MCTP2: variants seen among roughly 807,000 people sequenced by gnomAD.
MCTP2 encodes multiple C2 and transmembrane domain-containing protein 2.
A neutral mutation model predicts 111.6 loss-of-function variants in MCTP2; 132 were observed. The ratio of observed to expected loss-of-function variants is 1.18; its 90% CI spans 1.03 to 1.37. The LOEUF (loss-of-function observed/expected upper bound fraction) is 1.37, where lower values mean the gene tolerates loss of function less well. Among genes scored for constraint, MCTP2 ranks in the 40% most tolerant of loss-of-function variants. The probability of loss-of-function intolerance (pLI) is 0.00; values close to 1 mark genes in which losing one functional copy is unlikely to be tolerated. For missense variants in MCTP2, 1,183 were observed against 1,067.9 expected (o/e 1.11, Z -1.50); for synonymous variants, 395 against 387.7 (o/e 1.02, Z -0.22).
chr15:94,426,155 A>G (rs2082881432), intron 17 of MCTP2, among the ~76,000 whole-genome samples: 1 of 151,560 alleles, frequency 6.6e-6, no homozygotes, highest in South Asian at 2.1e-4. Flanking sequence ...AGAGAGAGAG[A>G]GAGAGAGAGA....
rs114278775 is a variant in MCTP2, at chr15:94,305,324, G to T, written c.465+6594G>T. 8.1e-3 allele frequency among the ~76,000 whole-genome samples: 1,232 copies of T among 152,200 alleles called. 21 individuals carry two copies. The highest frequency in any genetic ancestry group is 0.028 in the African/African-American group (1,154 of 41,520). ...TAAGCCACCTAGTAAGTGGTATTTTGTTATAGTCGCCTGAGCTGACTAACT... is the reference window on the plus strand; with the variant it reads ...TAAGCCACCTAGTAAGTGGTATTTTTTTATAGTCGCCTGAGCTGACTAACT... On this transcript the variant is annotated intron_variant, in intron 2 of 22. Transcript: ENST00000357742.
At chr15:94,299,393 C>G (rs2075487602) in intron 2 of MCTP2, among the ~76,000 whole-genome samples, 1 of 151,998 alleles carries the variant, frequency 6.6e-6, no homozygotes, top group East Asian at 1.9e-4. Context: ...ATTATTACTC[C>G]TAAGAAGCAT....
chr15:94,379,458 C>T (rs140060880), intron 12 of MCTP2, among the ~76,000 whole-genome samples: 2 of 152,176 alleles, frequency 1.3e-5, no homozygotes, highest in African/African-American at 4.8e-5. Flanking sequence ...CCAAGCCTCT[C>T]TGAGCTAAAA....
At chr15:94,308,637 A>G (rs2075993348) in intron 2 of MCTP2, among the ~76,000 whole-genome samples, 1 of 152,222 alleles carries the variant, frequency 6.6e-6, no homozygotes, top group South Asian at 2.1e-4. Context: ...TAAACATGCA[A>G]AAAACTTACG....
intron 2 of MCTP2, among the ~76,000 whole-genome samples, chr15:94,309,223 C>T (rs2076021478): frequency 6.6e-6 from 1 of 152,162 alleles, no homozygotes; most frequent in Admixed American, 6.5e-5. Flanking sequence ...GTGGAGCCGT[C>T]TGATTCCTTT....
intron 12 of MCTP2, among the ~76,000 whole-genome samples, chr15:94,383,764 A>G (rs1451439526): frequency 6.6e-6 from 1 of 152,120 alleles, no homozygotes; most frequent in East Asian, 1.9e-4. Flanking sequence ...ACAATTCAAG[A>G]TGATATTTGG....
At chr15:94,280,129 C>G (rs1346024823) in intron 1 of MCTP2, among the ~76,000 whole-genome samples, 1 of 152,158 alleles carries the variant, frequency 6.6e-6, no homozygotes, top group East Asian at 1.9e-4. Context: ...AGGAATCACT[C>G]CTCCTTGATT....
At chr15:94,266,382 C>T (rs1019165087) in intron 1 of MCTP2, among the ~76,000 whole-genome samples, 2 of 152,116 alleles carry the variant, frequency 1.3e-5, no homozygotes, top group African/African-American at 4.8e-5. Context: ...AAGATATATG[C>T]TTCAGAAGGT....
At chr15:94,250,005 A>G (rs561075786) in intron 1 of MCTP2, among the ~76,000 whole-genome samples, 20 of 152,180 alleles carry the variant, frequency 1.3e-4, no homozygotes, top group African/African-American at 4.8e-4. Flanking sequence ...AAAAGCACAT[A>G]TTATCTGCCT....
chr15:94,270,328 T>C (rs2073839793), intron 1 of MCTP2, among the ~76,000 whole-genome samples: 1 of 152,198 alleles, frequency 6.6e-6, no homozygotes, highest in African/African-American at 2.4e-5. Context: ...GGAGGTAAAA[T>C]TACCTATTGT....
chr15:94,242,981 A>G lies in MCTP2; in HGVS notation c.-66+11317A>G, dbSNP rs1362797543. On this transcript the variant is annotated intron_variant, in intron 1 of 22. Transcript: ENST00000357742. The stretch of plus-strand genomic sequence containing the variant: ...TACACGTGTATATGTGTATCTACAC[A>G]TACACGTGTATATGTGTATCTACAC... 1.9e-3 allele frequency among the ~76,000 whole-genome samples: 161 copies of G among 85,362 alleles called. 15 individuals are homozygous for G. The highest frequency in any genetic ancestry group is 7.1e-3 in the Middle Eastern group (1 of 140). The allele number at this position is 85,362 out of a possible 152,430, so 56.0% of individuals were successfully genotyped here. A position where few individuals can be genotyped will look rare whatever the true frequency, so the allele number is the denominator to read the frequency against.
At chr15:94,421,972 C>T (rs748771909) in intron 17 of MCTP2, among the ~76,000 whole-genome samples, 3 of 152,156 alleles carry the variant, frequency 2.0e-5, no homozygotes, top group African/African-American at 4.8e-5. Flanking sequence ...TGGTTTCTTG[C>T]ATACAAAGTG....
At position 94,246,030 on chromosome 15, in the gene MCTP2, A is replaced by C. The variant is rs575742316; in HGVS notation, c.-66+14366A>C. ...AGGTCTGTGTAGGCTGAGAGTGGGG[A>C]GGAAAAATGTGACTTGAGTCTGGAA... On this transcript the variant is annotated intron_variant, in intron 1 of 22. Transcript: ENST00000357742. 1.3e-3 allele frequency among the ~76,000 whole-genome samples: 195 copies of C among 152,046 alleles called. 1 individual carries two copies. The highest frequency in any genetic ancestry group is 0.01 in the Middle Eastern group (3 of 294).
At chr15:94,299,646 T>C (rs1052015595) in intron 2 of MCTP2, among the ~76,000 whole-genome samples, 1 of 152,236 alleles carries the variant, frequency 6.6e-6, no homozygotes, top group African/African-American at 2.4e-5. Context: ...ATTAGTTGTC[T>C]TTAAAAAGTC....
intron 22 of MCTP2, among the ~76,000 whole-genome samples, chr15:94,477,158 G>T (rs1244660193): frequency 6.6e-6 from 1 of 152,098 alleles, no homozygotes; most frequent in Non-Finnish European, 1.5e-5. Context: ...CTTCTTCCGG[G>T]TGGCAAGCAT....
chr15:94,236,396 T>C (rs1355955579), intron 1 of MCTP2, among the ~76,000 whole-genome samples: 2 of 141,796 alleles, frequency 1.4e-5, no homozygotes, highest in African/African-American at 5.3e-5. Flanking sequence ...TTTTTTTTTT[T>C]TTTTTTTTTA....
At chr15:94,394,955 T>C (rs2081205561) in intron 14 of MCTP2, among the ~76,000 whole-genome samples, 1 of 152,098 alleles carries the variant, frequency 6.6e-6, no homozygotes, top group African/African-American at 2.4e-5. Context: ...GAGGTAGAAA[T>C]GGAGGCGGTC....
intron 17 of MCTP2, among the ~76,000 whole-genome samples, chr15:94,416,659 A>T (rs1209264697): frequency 6.6e-6 from 1 of 152,218 alleles, no homozygotes; most frequent in African/African-American, 2.4e-5. Flanking sequence ...TTACTAAAAC[A>T]CTTGCGATGG....
intron 20 of MCTP2, among the ~76,000 whole-genome samples, chr15:94,469,204 G>A (rs921651756): frequency 6.6e-6 from 1 of 152,148 alleles, no homozygotes; most frequent in African/African-American, 2.4e-5. Context: ...AAGGCAATGA[G>A]GCTCTACGGT....
Sources: gnomAD v4.1 joint callset for allele counts (sites outside exome capture counted in the v4.1 genomes callset) on GRCh38, gnomAD v4.1.1 for gene constraint, MANE v1.5 for transcripts, NCBI Gene and HGNC (gene_info 2026-07-23, HGNC 2026-07-21) for gene names.